Variants in ARAP2 observed in about 807,000 individuals in gnomAD.
ARAP2 encodes the protein arf-GAP with Rho-GAP domain, ANK repeat and PH domain-containing protein 2.
Under a neutral mutation model 194.5 loss-of-function variants are expected in ARAP2, and 148 were observed. The observed-to-expected ratio is 0.76, with a 90% CI of 0.67 to 0.87. ARAP2 has a LOEUF of 0.87. Ranked by LOEUF, ARAP2 falls within the 40% of genes least tolerant of loss-of-function variation. The pLI is 0.00. For missense variants in ARAP2, 2,128 were observed against 1,989.7 expected (o/e 1.07, Z -1.32); for synonymous variants, 695 against 683.5 (o/e 1.02, Z -0.26).
At chr4:36,091,390 G>A (rs918448874) in intron 28 of ARAP2, among the ~76,000 whole-genome samples, 2 of 151,894 alleles carry the variant, frequency 1.3e-5, no homozygotes, top group African/African-American at 4.8e-5. Context: ...ATCTTTTAGG[G>A]AAATAAATTA....
intron 22 of ARAP2, 53 bp downstream of exon 22, chr4:36,124,809 A>G (rs1723487693): frequency 6.4e-6 from 7 of 1,088,992 alleles, no homozygotes; most frequent in Non-Finnish European, 9.6e-6. Context: ...AGAAATAATG[A>G]CTTATTGAGT....
intron 19 of ARAP2, among the ~76,000 whole-genome samples, chr4:36,143,267 G>A (rs1480679169): frequency 5.9e-5 from 9 of 151,500 alleles, no homozygotes; most frequent in Non-Finnish European, 1.3e-4. Flanking sequence ...CAATTAGGTA[G>A]GAATTCTATG....
At chr4:36,058,254 T>C (rs775297956) in intron 1 of ARAP2, 1 of 152,242 alleles carries the variant, frequency 6.6e-6, no homozygotes, top group Admixed American at 6.5e-5. Flanking sequence ...CTTACTGTTA[T>C]ACGTGGCATC....
intron 11 of ARAP2, among the ~76,000 whole-genome samples, chr4:36,164,022 G>A (rs1402875106): frequency 6.6e-6 from 1 of 152,202 alleles, no homozygotes; most frequent in Non-Finnish European, 1.5e-5. Context: ...TCTAGCTGAG[G>A]TAGGAACTCC....
At chr4:36,205,117 A>C (rs10020996) in intron 6 of ARAP2, among the ~76,000 whole-genome samples, 131,528 of 151,306 alleles carry the variant, frequency 0.87, 57,328 homozygotes, top group East Asian at 0.95. Flanking sequence ...CATTGTTCAA[A>C]AATGAGTAGC....
intron 3 of ARAP2, among the ~76,000 whole-genome samples, chr4:36,050,847 T>C (rs76535110): frequency 0.011 from 1,630 of 152,342 alleles, 11 homozygotes; most frequent in Non-Finnish European, 0.019. Flanking sequence ...AGCGCTCTAT[T>C]GCAGGAAGGA....
Position 36,210,645 on chromosome 4 carries a change from G to T in ARAP2, c.1232C>A (p.Ser411Tyr). 1.2e-6 allele frequency: 2 copies of T among 1,613,738 alleles called. No individual in the cohort carries two copies. The highest frequency in any genetic ancestry group is 1.7e-6 in the Non-Finnish European group (2 of 1,179,848). The change falls in exon 6 of 33, where the codon TCT becomes TAT. Residue 411 changes from serine to tyrosine, a missense_variant. Transcript: ENST00000303965. ...DKNNFLIDTA[S>Y]ESEYSTVEEC... ...TTCTACTGTTGAGTATTCTGATTCA[G>T]AAGCAGTGTCTATCAAAAAATTGTT...
In ARAP2 at chr4:36,208,189, A is replaced by C. The variant is rs540021003; in HGVS notation, c.1487+2201T>G. Among the ~76,000 whole-genome samples the C allele has an allele frequency of 2.0e-5, 3 of 152,322 alleles. No individual in the cohort carries two copies. In the East Asian group the frequency reaches 5.8e-4, roughly 29 times the overall value. ...AATTTGGTGGCCAGGGCTTAAATGCAAAGGAGACATTTTAGCATGAATTTG... is the reference window on the plus strand; with the variant it reads ...AATTTGGTGGCCAGGGCTTAAATGCCAAGGAGACATTTTAGCATGAATTTG... On this transcript the variant is annotated intron_variant, in intron 6 of 32. Coordinates refer to ENST00000303965, the MANE Select transcript of ARAP2 (RefSeq NM_015230.4).
At chr4:36,008,866 C>T (rs916004413) in intron 9 of ARAP2, among the ~76,000 whole-genome samples, 6 of 151,874 alleles carry the variant, frequency 4.0e-5, no homozygotes, top group East Asian at 1.9e-4. Context: ...TACAAATAAC[C>T]TTATTCAAAA....
chr4:36,117,312 AAGGCAT>A (rs1275593067), intron 24 of ARAP2, among the ~76,000 whole-genome samples, 177 bp from the exon 25 acceptor site: 3 of 151,780 alleles, frequency 2.0e-5, no homozygotes, highest in Non-Finnish European at 4.4e-5. Flanking sequence ...GGTTAAGGAC[AAGGCAT>A]TTACACAAAT....
At chr4:36,083,688 T>C (rs557494505) in intron 28 of ARAP2, among the ~76,000 whole-genome samples, 2 of 152,308 alleles carry the variant, frequency 1.3e-5, no homozygotes, top group African/African-American at 4.8e-5. Context: ...CTTGTACACA[T>C]GTATATACAG....
chr4:36,188,112 T>TA (rs562593462), intron 7 of ARAP2, among the ~76,000 whole-genome samples: 27 of 152,212 alleles, frequency 1.8e-4, no homozygotes, highest in African/African-American at 6.0e-4. Flanking sequence ...GAATAAAGAA[T>TA]AAAAAAAGAC....
chr4:36,051,783 A>T (rs1722712401), intron 3 of ARAP2, among the ~76,000 whole-genome samples: 1 of 152,320 alleles, frequency 6.6e-6, no homozygotes, highest in African/African-American at 2.4e-5. Flanking sequence ...TATGAAACAC[A>T]ATATGGTACA....
At chr4:36,155,715 T>A (rs1165507740) in intron 15 of ARAP2, among the ~76,000 whole-genome samples, 1 of 151,772 alleles carries the variant, frequency 6.6e-6, no homozygotes, top group Non-Finnish European at 1.5e-5. Context: ...AGGCTGGAAG[T>A]GCAGTGGCGC....
intron 32 of ARAP2, among the ~76,000 whole-genome samples, chr4:36,069,355 C>G (rs1483659332): frequency 6.6e-6 from 1 of 152,016 alleles, no homozygotes; most frequent in Non-Finnish European, 1.5e-5. Flanking sequence ...TAATATCTAG[C>G]TTAATTCCAA....
intron 6 of ARAP2, among the ~76,000 whole-genome samples, chr4:36,198,314 T>C (rs4428311): frequency 0.9 from 136,711 of 152,206 alleles, 61,523 homozygotes; most frequent in East Asian, 1. Context: ...GGAGGAAGTG[T>C]GCACCAACTG....
chr4:36,210,099 C>T (rs1746408012), intron 6 of ARAP2, among the ~76,000 whole-genome samples: 1 of 152,118 alleles, frequency 6.6e-6, no homozygotes, highest in South Asian at 2.1e-4. Context: ...CAGATTAGCA[C>T]ATTTTGATGC....
chr4:36,051,588 A>G (rs187154609), intron 3 of ARAP2, among the ~76,000 whole-genome samples: 212 of 152,208 alleles, frequency 1.4e-3, no homozygotes, highest in Middle Eastern at 6.8e-3. Flanking sequence ...AGGAAGATAA[A>G]TTGATTTTGT....
Position 36,228,648 on chromosome 4 carries a change from C to G in ARAP2, c.839G>C (p.Arg280Pro), listed in dbSNP as rs199740529. 1.1e-5 allele frequency: 17 copies of G among 1,613,856 alleles called. No homozygotes were observed. The highest frequency in any genetic ancestry group is 1.4e-5 in the Non-Finnish European group (17 of 1,179,944). The change falls in exon 2 of 33, where the codon CGA becomes CCA. Residue 280 changes from arginine to proline, a missense_variant. Physicochemically the swap from Arg to Pro is moderately radical, Grantham distance 103. Coordinates refer to ENST00000303965, the MANE Select transcript of ARAP2 (RefSeq NM_015230.4). Reference protein sequence around the residue: ...SRSKLVSRPSRSFLLRHRPVP... With the variant: ...SRSKLVSRPSPSFLLRHRPVP... ...AGGTCGATGTCTTAGCAGAAAAGAT[C>G]GAGATGGTCTTGAAACCAACTTGCT...
Sources: allele counts gnomAD v4.1 joint callset (sites outside exome capture counted in the v4.1 genomes callset), GRCh38; gene constraint gnomAD v4.1.1; transcripts MANE v1.5; gene names NCBI Gene and HGNC (gene_info 2026-07-23, HGNC 2026-07-21).